The following IL1RAPL2 variants were observed in gnomAD, a reference collection of about 807,000 sequenced individuals.
The protein encoded by IL1RAPL2 is X-linked interleukin-1 receptor accessory protein-like 2.
IL1RAPL2 carries 3 observed loss-of-function variants against 44.1 expected under a neutral mutation model. That is an observed-to-expected ratio of 0.07 (90% confidence interval 0.03 to 0.18). IL1RAPL2 has a LOEUF of 0.18. IL1RAPL2 is among the 10% of genes least tolerant of loss of function. The pLI is 1.00. For missense variants in IL1RAPL2, 391 were observed against 496.4 expected (o/e 0.79, Z 2.02); for synonymous variants, 181 against 178.8 (o/e 1.01, Z -0.10).
At chrX:105,755,450 C>T in intron 10 of IL1RAPL2, 103 bp downstream of exon 10, 1 of 593,947 alleles carries the variant, frequency 1.7e-6, no homozygotes, top group South Asian at 5.4e-5. Context: ...TTGTTTCTCA[C>T]AGTAGAGTTT....
intron 2 of IL1RAPL2, among the ~76,000 whole-genome samples, chrX:105,020,325 C>A (rs2147746157): frequency 9.0e-6 from 1 of 111,455 alleles, no homozygotes; most frequent in Admixed American, 9.6e-5. Context: ...ATTTCCTTCT[C>A]TGTAAAATGG....
At chrX:105,754,156 G>A (rs986329632) in intron 9 of IL1RAPL2, among the ~76,000 whole-genome samples, 7 of 112,111 alleles carry the variant, frequency 6.2e-5, no homozygotes, top group Admixed American at 1.9e-4. Context: ...ACAGTCTTTC[G>A]CAGTTATTAT....
intron 6 of IL1RAPL2, among the ~76,000 whole-genome samples, chrX:105,527,668 T>C (rs2036604326): frequency 9.0e-6 from 1 of 111,170 alleles, no homozygotes; most frequent in South Asian, 3.8e-4. Flanking sequence ...CTTTGAATCA[T>C]TTTTTTACCA....
intron 6 of IL1RAPL2, among the ~76,000 whole-genome samples, chrX:105,533,721 A>AT (rs1350701781): frequency 1.8e-5 from 2 of 112,009 alleles, no homozygotes; most frequent in Non-Finnish European, 3.8e-5. Flanking sequence ...TTGAGATAAG[A>AT]TTTTTTTCAC....
At chrX:105,672,590 G>C (rs1195436769) in intron 6 of IL1RAPL2, among the ~76,000 whole-genome samples, 1 of 112,510 alleles carries the variant, frequency 8.9e-6, no homozygotes, top group Non-Finnish European at 1.9e-5. Flanking sequence ...GTCTCACATA[G>C]ATACTGCAAA....
Position 105,590,045 on chromosome X carries a change from A to G in IL1RAPL2, c.772+105658A>G, listed in dbSNP as rs1204048804. ...TTTCCATTTGTCTGTGTCATGTATG[A>G]TTTCTTTGAGCAGTGTTTTATAATT... On this transcript the variant is annotated intron_variant, in intron 6 of 10. Coordinates refer to ENST00000372582, the MANE Select transcript of IL1RAPL2 (RefSeq NM_017416.2). Among the ~76,000 whole-genome samples the G allele has an allele frequency of 4.5e-5, 5 of 111,324 alleles. No homozygotes were observed. The Admixed American group carries it at 4.8e-4, about 11-fold the overall frequency.
chrX:105,013,523 T>A (rs2031106284), intron 2 of IL1RAPL2, among the ~76,000 whole-genome samples: 1 of 110,091 alleles, frequency 9.1e-6, no homozygotes, highest in Non-Finnish European at 1.9e-5. Context: ...GTCACCAGGA[T>A]CCTAGAGTAG....
chrX:104,774,634 C>T lies in IL1RAPL2; in HGVS notation c.82+115639C>T, dbSNP rs573480626. Among the ~76,000 whole-genome samples, 160 of 112,051 alleles carry T rather than the reference C, an allele frequency of 1.4e-3. 1 individual carries two copies. Among genetic ancestry groups the T allele is most frequent in the African/African-American group, 4.8e-3 (148 of 30,840 alleles). On this transcript the variant is annotated intron_variant, in intron 2 of 10. Coordinates refer to ENST00000372582, the MANE Select transcript of IL1RAPL2 (RefSeq NM_017416.2). The stretch of plus-strand genomic sequence containing the variant: ...TGCAGCACAAATGATATACCAGAGA[C>T]GTGATCTCTATCCTCAAGGAGGGCA...
chrX:105,380,526 G>T (rs2147723014), intron 5 of IL1RAPL2, among the ~76,000 whole-genome samples: 1 of 111,286 alleles, frequency 9.0e-6, no homozygotes, highest in South Asian at 3.8e-4. Flanking sequence ...TAATGAATCA[G>T]CCAAGTTAAA....
intron 1 of IL1RAPL2, 78 bp from the exon 2 acceptor site, chrX:104,658,817 A>C: frequency 1.6e-6 from 1 of 624,765 alleles, no homozygotes; most frequent in Non-Finnish European, 2.6e-6. Flanking sequence ...GTTTTGAAAA[A>C]TGTAAAATTA....
At chrX:105,120,417 C>G (rs1256119571) in intron 2 of IL1RAPL2, among the ~76,000 whole-genome samples, 1 of 110,636 alleles carries the variant, frequency 9.0e-6, no homozygotes, top group Non-Finnish European at 1.9e-5. Context: ...GTCTCTTTGC[C>G]TTCATATTTA....
intron 6 of IL1RAPL2, among the ~76,000 whole-genome samples, chrX:105,571,364 T>C (rs2037013179): frequency 8.9e-6 from 1 of 112,098 alleles, no homozygotes; most frequent in Admixed American, 9.5e-5. Flanking sequence ...TAATGATGAT[T>C]ATAAATTATT....
At chrX:105,277,208 C>T (rs762664810) in intron 5 of IL1RAPL2, among the ~76,000 whole-genome samples, 6 of 112,267 alleles carry the variant, frequency 5.3e-5, no homozygotes, top group South Asian at 3.7e-4. Flanking sequence ...TCTGAATGTA[C>T]GTGTCCTGAT....
chrX:105,583,073 A>G (rs1465368963), intron 6 of IL1RAPL2, among the ~76,000 whole-genome samples: 3 of 110,441 alleles, frequency 2.7e-5, no homozygotes, highest in African/African-American at 9.8e-5. Context: ...AAATTAACCA[A>G]TGGAGCCATA....
intron 2 of IL1RAPL2, among the ~76,000 whole-genome samples, chrX:105,150,706 A>G (rs1275444839): frequency 8.9e-6 from 1 of 111,750 alleles, no homozygotes; most frequent in Non-Finnish European, 1.9e-5. Context: ...TTTGGCACGC[A>G]ATCTGTCACG....
At position 104,904,817 on chromosome X, in the gene IL1RAPL2, C is replaced by T. The variant is rs1923935363; in HGVS notation, c.82+245822C>T. Among the ~76,000 whole-genome samples the T allele has an allele frequency of 2.8e-5, 3 of 107,163 alleles. No homozygotes were observed. The South Asian group carries it at 1.2e-3, about 43-fold the overall frequency. 93.1% of individuals were successfully genotyped at this position (107,163 alleles called of 115,157 possible). A position where few individuals can be genotyped will look rare whatever the true frequency, so the allele number is the denominator to read the frequency against. On this transcript the variant is annotated intron_variant, in intron 2 of 10. Transcript: ENST00000372582. ...ATTTATAGTCCTTTGGGTATATACC[C>T]AGTAATGGGATGGCTGTGTCAAATG... is the stretch of plus-strand genomic sequence containing the variant.
intron 2 of IL1RAPL2, among the ~76,000 whole-genome samples, chrX:104,850,959 G>A (rs1397089249): frequency 1.8e-5 from 2 of 111,185 alleles, no homozygotes; most frequent in Non-Finnish European, 3.8e-5. Context: ...TATAAATTTT[G>A]AATGTATAGT....
intron 5 of IL1RAPL2, among the ~76,000 whole-genome samples, chrX:105,470,075 T>C (rs73527162): frequency 0.027 from 3,036 of 111,098 alleles, 109 homozygotes; most frequent in African/African-American, 0.093. Context: ...ACTGAAGTGG[T>C]CCTGTAGATA....
At chrX:105,445,154 T>C (rs1050464210) in intron 5 of IL1RAPL2, among the ~76,000 whole-genome samples, 7 of 111,535 alleles carry the variant, frequency 6.3e-5, no homozygotes, top group Admixed American at 1.9e-4. Flanking sequence ...TATCAGATTA[T>C]TCTAGATTTT....
Sources: allele counts gnomAD v4.1 joint callset (sites outside exome capture counted in the v4.1 genomes callset), GRCh38; gene constraint gnomAD v4.1.1; transcripts MANE v1.5; gene names NCBI Gene and HGNC (gene_info 2026-07-23, HGNC 2026-07-21).